The following MTFR1 variants were observed in gnomAD, a reference collection of about 807,000 sequenced individuals.
MTFR1 encodes chondrocyte protein with a poly-proline region.
In MTFR1, 28 loss-of-function variants were observed where a neutral mutation model predicts 38.8. The ratio of observed to expected loss-of-function variants is 0.72; its 90% CI spans 0.53 to 0.99. MTFR1 has a LOEUF of 0.99. Among genes scored for constraint, MTFR1 ranks in the 50% least tolerant of loss-of-function variants. The probability of loss-of-function intolerance (pLI) is 0.00; values close to 1 mark genes in which losing one functional copy is unlikely to be tolerated. For synonymous variants in MTFR1, 145 were observed against 137.0 expected, an observed-to-expected ratio of 1.06 and a Z score of -0.41; for missense variants, 358 against 395.5, an observed-to-expected ratio of 0.91 and a Z score of 0.81.
At chr8:65,723,378 T>C in intron 3 of MTFR1, 1 of 573,442 alleles carries the variant, frequency 1.7e-6, no homozygotes, top group Non-Finnish European at 2.6e-6. Flanking sequence ...TAAATGAGAA[T>C]TAGAAGAGCC....
intron 3 of MTFR1, among the ~76,000 whole-genome samples, chr8:65,750,715 T>C (rs1339850399): frequency 1.3e-5 from 2 of 152,054 alleles, no homozygotes; most frequent in Admixed American, 1.3e-4. Context: ...AACCATGAAA[T>C]CATGGTTGTA....
At position 65,706,863 on chromosome 8, in the gene MTFR1, A is replaced by C. The variant is rs561111138; in HGVS notation, c.518-147A>C. On this transcript the variant is annotated intron_variant, in intron 5 of 7. Transcript: ENST00000262146. ...TCAGGCATTTCTCATGAAGTAACTGAAACTGTCTTGCTTCTTACATAACTG... is the reference window on the plus strand; with the variant it reads ...TCAGGCATTTCTCATGAAGTAACTGCAACTGTCTTGCTTCTTACATAACTG... 1.1e-5 allele frequency: 9 copies of C among 831,818 alleles called. No homozygotes were observed. In the East Asian group the frequency reaches 2.0e-4, roughly 18 times the overall value. 51.5% of individuals were successfully genotyped at this position (831,818 alleles called of 1,614,324 possible).
At chr8:65,675,392 G>A (rs1027149970) in intron 2 of MTFR1, among the ~76,000 whole-genome samples, 2 of 152,136 alleles carry the variant, frequency 1.3e-5, no homozygotes, top group African/African-American at 2.4e-5. Flanking sequence ...TCAGGAGATC[G>A]AGACCATCCT....
At chr8:65,748,590 A>G (rs1330858967) in intron 3 of MTFR1, among the ~76,000 whole-genome samples, 1 of 152,216 alleles carries the variant, frequency 6.6e-6, no homozygotes, top group Non-Finnish European at 1.5e-5. Context: ...ATCAAACCAA[A>G]TTCAGTAAAA....
At chr8:65,673,518 T>C (rs377261355) in intron 2 of MTFR1, among the ~76,000 whole-genome samples, 44 of 151,742 alleles carry the variant, frequency 2.9e-4, no homozygotes, top group African/African-American at 9.7e-4. Flanking sequence ...GACGGGTTGA[T>C]GGGTGCAGCA....
rs147184079 is a variant in MTFR1, at chr8:65,671,693, A to G, written c.66+1675A>G. Among the ~76,000 whole-genome samples, 1,401 of 152,286 alleles carry G rather than the reference A, an allele frequency of 9.2e-3. 15 individuals carry two copies. The highest frequency in any genetic ancestry group is 0.014 in the Non-Finnish European group (967 of 68,020). ...TATGATTTCCAAAAACCAAAGCTTT[A>G]TAATTTCTATTTATTGTAATTTTAG... On this transcript the variant is annotated intron_variant, in intron 2 of 7. Transcript: ENST00000262146.
intron 1 of MTFR1, among the ~76,000 whole-genome samples, chr8:65,655,054 A>G (rs1809218833): frequency 6.6e-6 from 1 of 152,194 alleles, no homozygotes; most frequent in Non-Finnish European, 1.5e-5. Context: ...ATCACTTAAG[A>G]TATTTGAATA....
chr8:65,721,289 T>C (rs1217096471), intron 3 of MTFR1, among the ~76,000 whole-genome samples: 3 of 152,230 alleles, frequency 2.0e-5, no homozygotes, highest in African/African-American at 7.2e-5. Context: ...TTCAACAAAA[T>C]TAGTATTCCT....
intron 2 of MTFR1, among the ~76,000 whole-genome samples, chr8:65,674,884 T>C (rs1327824288): frequency 2.6e-5 from 4 of 152,184 alleles, no homozygotes; most frequent in Non-Finnish European, 5.9e-5. Context: ...TGAACAAAGT[T>C]ACCTAAGTAG....
chr8:65,772,497 A>C (rs1308018438), downstream of MTFR1, among the ~76,000 whole-genome samples: 1 of 152,228 alleles, frequency 6.6e-6, no homozygotes, highest in Non-Finnish European at 1.5e-5. Flanking sequence ...CAAATTCCTA[A>C]TCCAAGGAAC....
chr8:65,731,983 ATTATTGTTG>A (rs927545799), intron 3 of MTFR1, among the ~76,000 whole-genome samples: 1 of 143,132 alleles, frequency 7.0e-6, no homozygotes, highest in African/African-American at 2.5e-5. Flanking sequence ...TATTATTATT[ATTATTGTTG>A]TTGTTGTTGT....
In MTFR1 at chr8:65,703,532, C is replaced by T. The variant is rs540044753; in HGVS notation, c.282-1162C>T. On this transcript the variant is annotated intron_variant, in intron 4 of 7. Coordinates refer to ENST00000262146, the MANE Select transcript of MTFR1 (RefSeq NM_014637.4). ...CACTGCAACTGCCGCCTCCCAGGTT[C>T]AAGTGATTCTTGTACCTCAGCCTCC... Among the ~76,000 whole-genome samples the T allele has an allele frequency of 5.2e-4, 70 of 134,176 alleles. 2 individuals are homozygous for T. In the South Asian group the frequency reaches 9.5e-3, roughly 18 times the overall value. 88.0% of individuals were successfully genotyped at this position (134,176 alleles called of 152,430 possible).
At chr8:65,749,098 T>C (rs967042552) in intron 3 of MTFR1, among the ~76,000 whole-genome samples, 5 of 152,178 alleles carry the variant, frequency 3.3e-5, no homozygotes, top group South Asian at 2.1e-4. Context: ...TGCCCCTATC[T>C]TGAAGAGGCG....
At chr8:65,687,929 G>C (rs933519502) in intron 3 of MTFR1, among the ~76,000 whole-genome samples, 3 of 151,548 alleles carry the variant, frequency 2.0e-5, no homozygotes, top group Non-Finnish European at 4.4e-5. Context: ...GTGAAACTCT[G>C]TCTCTATTAA....
intron 3 of MTFR1, among the ~76,000 whole-genome samples, chr8:65,769,114 G>T (rs1808945792): frequency 6.6e-6 from 1 of 151,842 alleles, no homozygotes; most frequent in African/African-American, 2.4e-5. Flanking sequence ...CGGGCGTGAT[G>T]GCAGGCGCCT....
rs1307221756 is a variant in MTFR1 at position 65,693,703 on chromosome 8, T to G, written c.225T>G (p.Ser75=). The part of the protein sequence containing the change: ...PSHPGEDAVA[S]FADVGWVAKE... ...ACCCAGGAGAGGATGCAGTGGCGTC[T>G]TTTGCTGATGTTGGATGGGTAGCCA... The change falls in exon 4 of 8, where the codon TCT becomes TCG. Residue 75 remains serine, a synonymous_variant. Transcript: ENST00000262146. 6.2e-7 allele frequency: 1 copy of G among 1,614,088 alleles called. No individual in the cohort carries two copies. The highest frequency in any genetic ancestry group is 8.5e-7 in the Non-Finnish European group (1 of 1,180,000).
chr8:65,770,474 G>A (rs937789362), intron 3 of MTFR1, among the ~76,000 whole-genome samples: 1 of 152,132 alleles, frequency 6.6e-6, no homozygotes, highest in Non-Finnish European at 1.5e-5. Context: ...ACAGTATGGG[G>A]GAGAACTGCC....
intron 3 of MTFR1, among the ~76,000 whole-genome samples, chr8:65,769,551 G>A (rs149612522): frequency 2.0e-4 from 31 of 152,166 alleles, no homozygotes; most frequent in Non-Finnish European, 3.8e-4. Context: ...GAACTCTCTC[G>A]GCTCTTTATA....
At chr8:65,771,884 C>CAAAAAAAAAAAAAAAAAA (rs36101490), downstream of MTFR1, among the ~76,000 whole-genome samples, 3 of 55,818 alleles carry the variant, frequency 5.4e-5, no homozygotes, top group Admixed American at 2.4e-4. Context: ...CTCCATCTCT[C>CAAAAAAAAAAAAAAAAAA]AAAAAAAAAA....
Sources: allele counts gnomAD v4.1 joint callset (sites outside exome capture counted in the v4.1 genomes callset), GRCh38; gene constraint gnomAD v4.1.1; transcripts MANE v1.5; gene names NCBI Gene and HGNC (gene_info 2026-07-23, HGNC 2026-07-21).